Variants in STK32B observed in about 807,000 individuals in gnomAD.
STK32B encodes serine/threonine kinase 32B.
In STK32B, 43 loss-of-function variants were observed where a neutral mutation model predicts 52.6. The ratio of observed to expected loss-of-function variants is 0.82; its 90% confidence interval spans 0.64 to 1.05. STK32B has a LOEUF of 1.05. Among genes scored for constraint, STK32B ranks in the 50% least tolerant of loss-of-function variants. The pLI, the probability that STK32B is intolerant of heterozygous loss-of-function variation, is 0.00. For synonymous variants in STK32B, 238 were observed against 204.3 expected (o/e 1.17, Z -1.41); for missense variants, 621 against 534.6 (o/e 1.16, Z -1.59).
chr4:5,032,112 A>G, the STK32B span, among the ~76,000 whole-genome samples: 232 of 152,024 alleles, frequency 1.5e-3, 1 homozygote, highest in African/African-American at 5.2e-3. Context: ...AACGATATAT[A>G]GGTCCTTTGA....
intron 1 of STK32B, among the ~76,000 whole-genome samples, chr4:5,124,586 G>T (rs1417714314): frequency 2.6e-5 from 4 of 152,130 alleles, no homozygotes; most frequent in Admixed American, 2.0e-4. Flanking sequence ...AACTCTACAG[G>T]GACACTACAG....
intron 3 of STK32B, among the ~76,000 whole-genome samples, chr4:5,202,715 C>G (rs1431020651): frequency 6.6e-6 from 1 of 152,236 alleles, no homozygotes; most frequent in Non-Finnish European, 1.5e-5. Flanking sequence ...ATATAAGCTA[C>G]CAAAGCTTGG....
rs547034033 is a variant in STK32B at position 5,057,584 on chromosome 4, C to T, written c.52+5669C>T. ...GGCCTAGAGCTTGGGGGTTGGCTTT[C>T]CAACAGTATGAGCTGAAGTGAATAG... is the stretch of plus-strand genomic sequence containing the variant. On this transcript the variant is annotated intron_variant, in intron 1 of 11. Transcript: ENST00000282908. 2.1e-3 allele frequency among the ~76,000 whole-genome samples: 324 copies of T among 152,178 alleles called. 1 individual carries two copies. The highest frequency in any genetic ancestry group is 3.6e-3 in the Admixed American group (55 of 15,290).
intron 7 of STK32B, among the ~76,000 whole-genome samples, chr4:5,448,533 C>T (rs73068403): frequency 0.016 from 2,429 of 152,346 alleles, 70 homozygotes; most frequent in African/African-American, 0.055. Flanking sequence ...TATTGGCAGT[C>T]ATTCCTCATG....
intron 3 of STK32B, among the ~76,000 whole-genome samples, chr4:5,194,857 CTT>C (rs929874011): frequency 2.6e-5 from 4 of 152,148 alleles, no homozygotes; most frequent in African/African-American, 9.7e-5. Context: ...GTGCTACACA[CTT>C]TTAAACAATC....
chr4:5,321,548 C>T (rs1393548689), intron 3 of STK32B, among the ~76,000 whole-genome samples: 1 of 152,188 alleles, frequency 6.6e-6, no homozygotes, highest in Non-Finnish European at 1.5e-5. Context: ...TCCCCGTGAA[C>T]AGTACGTGTG....
chr4:5,331,083 C>T (rs1191174362), intron 3 of STK32B, 137 bp from the exon 4 acceptor site: 2 of 756,424 alleles, frequency 2.6e-6, no homozygotes, highest in Non-Finnish European at 4.1e-6. Flanking sequence ...CCCCTCCACT[C>T]CCATAGCACC....
chr4:5,318,479 A>AG, intron 3 of STK32B, among the ~76,000 whole-genome samples: 1 of 152,130 alleles, frequency 6.6e-6, no homozygotes, highest in East Asian at 1.9e-4. Context: ...GAGAAAAAAA[A>AG]AGTTAGGAGC....
chr4:5,313,675 T>C (rs1463136669), intron 3 of STK32B, among the ~76,000 whole-genome samples: 1 of 152,148 alleles, frequency 6.6e-6, no homozygotes, highest in Non-Finnish European at 1.5e-5. Context: ...GTGTGTGCAG[T>C]TGTGACAGCA....
At chr4:5,463,789 G>A (rs572735488) in intron 9 of STK32B, among the ~76,000 whole-genome samples, 11 of 152,202 alleles carry the variant, frequency 7.2e-5, no homozygotes, top group Admixed American at 4.6e-4. Flanking sequence ...TTTCTCTTCC[G>A]GGGATCCCTT....
Position 5,058,985 on chromosome 4 carries a change from A to C in STK32B, c.52+7070A>C, listed in dbSNP as rs946514295. ...AGGCTGGTCTCGAACTCCTGACCTC[A>C]GGTGATCTGCCCACCTTGGCCTCCC... is the stretch of plus-strand genomic sequence containing the variant. On this transcript the variant is annotated intron_variant, in intron 1 of 11. Transcript: ENST00000282908. The surrounding 1 kb of genome is among the most constrained non-coding windows in gnomAD (Gnocchi z 4.8). Among the ~76,000 whole-genome samples the C allele has an allele frequency of 4.8e-5, 7 of 147,296 alleles. No homozygotes were observed. Among genetic ancestry groups the C allele is most frequent in the Non-Finnish European group, 8.9e-5 (6 of 67,186 alleles).
chr4:5,129,292 T>C (rs1715603497), intron 1 of STK32B, among the ~76,000 whole-genome samples: 1 of 152,190 alleles, frequency 6.6e-6, no homozygotes, highest in Non-Finnish European at 1.5e-5. Context: ...TGAATAACTC[T>C]TCTCTTCTTT....
Position 5,396,311 on chromosome 4 carries a change from C to T in STK32B, c.435-1896C>T, listed in dbSNP as rs1736917622. ...AGTATCTGCTTCCATCTCCCCATGG[C>T]CTTCTTCTCTCCTGTGCCTGCATCC... On this transcript the variant is annotated intron_variant, in intron 4 of 11. Coordinates refer to ENST00000282908, the MANE Select transcript of STK32B (RefSeq NM_018401.3). The surrounding 1 kb of genome is among the most constrained non-coding windows in gnomAD (Gnocchi z 4.7). 6.6e-6 allele frequency among the ~76,000 whole-genome samples: 1 copy of T among 152,132 alleles called. No individual in the cohort carries two copies. The highest frequency in any genetic ancestry group is 2.1e-4 in the South Asian group (1 of 4,820).
At chr4:5,209,245 A>C (rs1452253576) in intron 3 of STK32B, among the ~76,000 whole-genome samples, 1 of 152,198 alleles carries the variant, frequency 6.6e-6, no homozygotes, top group African/African-American at 2.4e-5. Flanking sequence ...CTTTTGAGAC[A>C]GGGTCCTGCT....
intron 3 of STK32B, among the ~76,000 whole-genome samples, chr4:5,224,595 C>CG (rs1723746679): frequency 6.6e-6 from 1 of 152,182 alleles, no homozygotes; most frequent in Non-Finnish European, 1.5e-5. Context: ...CACTTCTTTA[C>CG]TCCCTGGTGG....
intron 3 of STK32B, among the ~76,000 whole-genome samples, chr4:5,201,358 G>A (rs1324055765): frequency 6.6e-6 from 1 of 152,126 alleles, no homozygotes; most frequent in African/African-American, 2.4e-5. Context: ...GTTTCCATGG[G>A]GCCGGACAGG....
chr4:5,457,377 G>A (rs568774473), intron 8 of STK32B, among the ~76,000 whole-genome samples: 9 of 151,152 alleles, frequency 6.0e-5, no homozygotes, highest in Admixed American at 3.9e-4. Flanking sequence ...CAACACGCCC[G>A]GCTAATTTTT....
rs372332621 is a variant in STK32B, at chr4:5,456,872, T to G, written c.732T>G (p.Arg244=). 4 of 1,598,176 alleles carry G rather than the reference T, an allele frequency of 2.5e-6. No homozygotes were observed. In the African/African-American group the frequency reaches 5.3e-5, roughly 21 times the overall value. ...TCCTCAACATGTTCAAGGTGGAGCG[T>G]GTCCACTACTCCTCCACGTGGTGCA... ...DEILNMFKVE[R]VHYSSTWCKG... The change falls in exon 8 of 12, where the codon CGT becomes CGG. Residue 244 remains arginine, a synonymous_variant. Transcript: ENST00000282908.
chr4:5,169,388 GC>G (rs1187393076), intron 3 of STK32B, among the ~76,000 whole-genome samples: 2 of 152,184 alleles, frequency 1.3e-5, no homozygotes, highest in Non-Finnish European at 2.9e-5. Flanking sequence ...ATTTCATTCA[GC>G]GGATCAGTTG....
Sources: allele counts gnomAD v4.1 joint callset (sites outside exome capture counted in the v4.1 genomes callset), GRCh38; gene constraint gnomAD v4.1.1; non-coding constraint Gnocchi (gnomAD v3.1); transcripts MANE v1.5; gene names NCBI Gene and HGNC (gene_info 2026-07-23, HGNC 2026-07-21).